WNK1: variants seen among roughly 807,000 people sequenced by gnomAD.
WNK1 encodes the protein serine/threonine-protein kinase WNK1.
Under a neutral mutation model 222.8 loss-of-function variants are expected in WNK1, and 38 were observed. The ratio of observed to expected loss-of-function variants is 0.17; its 90% confidence interval spans 0.13 to 0.22. WNK1 has a LOEUF of 0.22. Among genes scored for constraint, WNK1 ranks in the 10% least tolerant of loss-of-function variants. WNK1 has a pLI of 1.00. For missense variants in WNK1, 2,348 were observed against 2,918.4 expected, an observed-to-expected ratio of 0.80 and a Z score of 4.50; for synonymous variants, 1,090 against 1,092.9, an observed-to-expected ratio of 1.00 and a Z score of 0.05.
intron 1 of WNK1, among the ~76,000 whole-genome samples, chr12:780,694 G>A (rs1018708135): frequency 2.0e-5 from 3 of 152,218 alleles, no homozygotes; most frequent in Non-Finnish European, 4.4e-5. Flanking sequence ...ACATGCTGAA[G>A]TATCTTTGTG....
chr12:776,412 TTGTGTG>T (rs59148357), intron 1 of WNK1, among the ~76,000 whole-genome samples: 595 of 146,216 alleles, frequency 4.1e-3, no homozygotes, highest in African/African-American at 0.013. Flanking sequence ...GTTTGTGTGT[TTGTGTG>T]TGTGTGTGTG....
At chr12:828,890 T>C (rs1948580342) in intron 3 of WNK1, among the ~76,000 whole-genome samples, 1 of 152,240 alleles carries the variant, frequency 6.6e-6, no homozygotes, top group Non-Finnish European at 1.5e-5. Context: ...TGAGTATTAC[T>C]AGGAAAAACA....
At chr12:784,165 T>A (rs982844209) in intron 1 of WNK1, among the ~76,000 whole-genome samples, 3 of 152,128 alleles carry the variant, frequency 2.0e-5, no homozygotes, top group Non-Finnish European at 2.9e-5. Context: ...GAGACCACAG[T>A]GAGCCATGAT....
chr12:830,195 G>T (rs1166140448), intron 4 of WNK1, 35 bp downstream of exon 4: 17 of 1,611,416 alleles, frequency 1.1e-5, no homozygotes, highest in Non-Finnish European at 1.4e-5. Flanking sequence ...TGAACTTGGG[G>T]CATATCTAAC....
At position 911,250 on chromosome 12, in the gene WNK1, CTTACATTAT is replaced by C. The variant is rs1956061807; in HGVS notation, c.*2462_*2470del. 2.5e-6 allele frequency: 1 copy of C among 398,292 alleles called. No individual in the cohort carries two copies. The highest frequency in any genetic ancestry group is 4.4e-6 in the Non-Finnish European group (1 of 226,020). 24.7% of individuals were successfully genotyped at this position (398,292 alleles called of 1,614,324 possible). On this transcript the variant is annotated 3_prime_UTR_variant, in exon 28 of 28. Coordinates refer to ENST00000315939, the MANE Select transcript of WNK1 (RefSeq NM_018979.4). ...AACTTTCTGAATTATAAATGTTTTC[CTTACATTAT>C]TTAACAATGTACACTGTTAAAAATA...
chr12:789,824 G>A (rs1218529345), intron 1 of WNK1, among the ~76,000 whole-genome samples: 2 of 152,136 alleles, frequency 1.3e-5, no homozygotes, highest in African/African-American at 4.8e-5. Flanking sequence ...ATGTATTTCA[G>A]GCTAATGCCC....
At chr12:874,686 T>C (rs1952454750) in intron 9 of WNK1, among the ~76,000 whole-genome samples, 1 of 152,174 alleles carries the variant, frequency 6.6e-6, no homozygotes, top group African/African-American at 2.4e-5. Flanking sequence ...CTTTGTACAT[T>C]GTACCTACAT....
intron 1 of WNK1, among the ~76,000 whole-genome samples, chr12:778,323 G>A (rs760233274): frequency 2.6e-4 from 39 of 149,448 alleles, no homozygotes; most frequent in Non-Finnish European, 5.1e-4. Flanking sequence ...TTTTTTTTTC[G>A]TCTTTTCCTT....
intron 4 of WNK1, among the ~76,000 whole-genome samples, chr12:856,074 G>A (rs915253375): frequency 1.1e-4 from 17 of 151,662 alleles, no homozygotes; most frequent in Admixed American, 9.8e-4. Context: ...TCTTGACCTC[G>A]TGATCTGCCC....
Position 885,946 on chromosome 12 carries a change from C to G in WNK1, c.5142C>G (p.Thr1714=). The G allele has an allele frequency of 1.3e-6, 2 of 1,596,084 alleles. No individual in the cohort carries two copies. The highest frequency in any genetic ancestry group is 1.7e-6 in the Non-Finnish European group (2 of 1,170,912). Residue 1714 remains threonine (T), a synonymous_variant, in exon 19 of 28, where the codon ACC becomes ACG. Coordinates refer to ENST00000315939, the MANE Select transcript of WNK1 (RefSeq NM_018979.4). ...CCACAAGTACTTGCTTACCACCAAC[C>G]AATTTACCACTAGGAACAGTTGCTT... The part of the protein sequence containing the change: ...TSTTSTCLPP[T]NLPLGTVALP...
intron 4 of WNK1, among the ~76,000 whole-genome samples, chr12:841,224 C>G (rs1362915747): frequency 6.6e-6 from 1 of 152,128 alleles, no homozygotes; most frequent in Non-Finnish European, 1.5e-5. Flanking sequence ...CCATCATCCC[C>G]AAAATGAAGC....
chr12:796,402 C>T (rs1303681597), intron 1 of WNK1, among the ~76,000 whole-genome samples: 1 of 152,014 alleles, frequency 6.6e-6, no homozygotes, highest in African/African-American at 2.4e-5. Flanking sequence ...CACATACTTT[C>T]CTGTATTACG....
intron 1 of WNK1, among the ~76,000 whole-genome samples, chr12:757,075 G>A (rs1271796287): frequency 1.3e-5 from 2 of 152,082 alleles, no homozygotes; most frequent in Admixed American, 6.6e-5. Flanking sequence ...TTCAAATGAA[G>A]CAATATTGTG....
At chr12:876,518 T>A (rs532886481) in intron 9 of WNK1, among the ~76,000 whole-genome samples, 1 of 152,272 alleles carries the variant, frequency 6.6e-6, no homozygotes, top group Non-Finnish European at 1.5e-5. Flanking sequence ...GACATAAATA[T>A]AAGAAGAGCA....
intron 22 of WNK1, among the ~76,000 whole-genome samples, chr12:892,446 C>T (rs868557864): frequency 2.0e-5 from 3 of 152,124 alleles, no homozygotes; most frequent in African/African-American, 7.2e-5. Flanking sequence ...GTCCATGGAT[C>T]AGTTTGGAGT....
intron 1 of WNK1, among the ~76,000 whole-genome samples, chr12:777,378 TCA>T (rs1943234068): frequency 6.6e-6 from 1 of 152,076 alleles, no homozygotes; most frequent in Non-Finnish European, 1.5e-5. Context: ...CAGGATGGTC[TCA>T]TTCTCCTGAG....
In WNK1 at chr12:765,980, A is replaced by G. The variant is rs191635336; in HGVS notation, c.759+11656A>G. Among the ~76,000 whole-genome samples the G allele has an allele frequency of 1.8e-3, 269 of 152,350 alleles. 3 individuals carry two copies. Among genetic ancestry groups the G allele is most frequent in the African/African-American group, 6.3e-3 (263 of 41,596 alleles). ...CATGCAGAATTAATAAAGGTTAACA[A>G]TATGTCATAGTTACTCAAAATATTT... On this transcript the variant is annotated intron_variant, in intron 1 of 27. Coordinates refer to ENST00000315939, the MANE Select transcript of WNK1 (RefSeq NM_018979.4).
chr12:782,358 G>T (rs1943797878), intron 1 of WNK1, among the ~76,000 whole-genome samples: 1 of 152,132 alleles, frequency 6.6e-6, no homozygotes, highest in Non-Finnish European at 1.5e-5. Context: ...TAACTACATA[G>T]TATGTTGTCA....
chr12:786,491 G>GTTTTT, intron 1 of WNK1, among the ~76,000 whole-genome samples: 1 of 129,972 alleles, frequency 7.7e-6, no homozygotes. Flanking sequence ...TTTTGAGACA[G>GTTTTT]AATTTCACTC....
Sources: allele counts gnomAD v4.1 joint callset (sites outside exome capture counted in the v4.1 genomes callset), GRCh38; gene constraint gnomAD v4.1.1; transcripts MANE v1.5; gene names NCBI Gene and HGNC (gene_info 2026-07-23, HGNC 2026-07-21).